CYP3A4: variants seen among roughly 807,000 people sequenced by gnomAD.
The protein encoded by CYP3A4 is cytochrome P450 3A4.
A neutral mutation model predicts 54.9 loss-of-function variants in CYP3A4; 41 were observed. The ratio of observed to expected loss-of-function variants is 0.75; its 90% CI spans 0.58 to 0.97. CYP3A4 has a LOEUF of 0.97. Among genes scored for constraint, CYP3A4 ranks in the 50% least tolerant of loss-of-function variants. The pLI is 0.00. For synonymous variants in CYP3A4, 179 were observed against 205.2 expected (o/e 0.87, Z 1.09); for missense variants, 510 against 597.3 (o/e 0.85, Z 1.52).
intron 6 of CYP3A4, among the ~76,000 whole-genome samples, chr7:99,768,903 T>C (rs1353274537): frequency 6.6e-6 from 1 of 152,198 alleles, no homozygotes. Flanking sequence ...ATTGCCTGAC[T>C]GCAGACTCTA....
chr7:99,778,159 C>T lies in CYP3A4; in HGVS notation c.166-79G>A, dbSNP rs181447725. 7.7e-5 allele frequency: 90 copies of T among 1,169,544 alleles called. No individual in the cohort carries two copies. In the African/African-American group the frequency reaches 1.2e-3, roughly 16 times the overall value. The allele number at this position is 1,169,544 out of a possible 1,614,324, so 72.4% of individuals were successfully genotyped here. A position where few individuals can be genotyped will look rare whatever the true frequency, so the allele number is the denominator to read the frequency against. Reference sequence around the variant, plus strand: ...TGCCTCTAATTGGGATGAAAACAGTCGAAGCCAATGAAATCAGACTTGCTG... The same window carrying T: ...TGCCTCTAATTGGGATGAAAACAGTTGAAGCCAATGAAATCAGACTTGCTG... On this transcript the variant is annotated intron_variant, in intron 2 of 12. Transcript: ENST00000651514.
At chr7:99,762,324 A>G (rs752506320) in intron 10 of CYP3A4, 57 bp from the exon 11 acceptor site, 112 of 1,572,852 alleles carry the variant, frequency 7.1e-5, no homozygotes, top group Non-Finnish European at 9.6e-5. Flanking sequence ...CTTTTAACTC[A>G]GTCCATGCAG....
intron 3 of CYP3A4, among the ~76,000 whole-genome samples, chr7:99,777,391 C>T (rs150881804): frequency 3.4e-4 from 52 of 152,216 alleles, no homozygotes; most frequent in African/African-American, 1.2e-3. Flanking sequence ...CACCTGGTGA[C>T]ACATGGGATC....
intron 2 of CYP3A4, 151 bp from the exon 3 acceptor site, chr7:99,778,231 A>G: frequency 3.2e-6 from 2 of 622,208 alleles, no homozygotes; most frequent in Non-Finnish European, 5.6e-6. Context: ...GAAATAAGAG[A>G]AAACAGAGGA....
intron 1 of CYP3A4, 118 bp downstream of exon 1, chr7:99,783,893 G>A: frequency 8.3e-7 from 1 of 1,206,530 alleles, no homozygotes. Flanking sequence ...ACAGGTGTAA[G>A]CCACCACGCC....
At chr7:99,764,194 C>G (rs1215091787) in intron 9 of CYP3A4, among the ~76,000 whole-genome samples, 179 bp from the exon 10 acceptor site, 1 of 152,046 alleles carries the variant, frequency 6.6e-6, no homozygotes. Context: ...CAGAATAAGG[C>G]AAATCATTTT....
chr7:99,764,534 G>T (rs993220494), intron 9 of CYP3A4, among the ~76,000 whole-genome samples: 3 of 152,148 alleles, frequency 2.0e-5, no homozygotes, highest in African/African-American at 7.2e-5. Flanking sequence ...GACCAATATT[G>T]GTCTACAGAC....
rs2151559026 is a variant in CYP3A4 at position 99,768,592 on chromosome 7, A to AAGAC, written c.522-94_522-91dup. The stretch of plus-strand genomic sequence containing the variant: ...CAACAGGAAACCCACATGTCCAGTC[A>AAGAC]AGACAGACAAACAGCCACAGACTTT... On this transcript the variant is annotated intron_variant, in intron 6 of 12. Transcript: ENST00000651514. The AAGAC allele has an allele frequency of 1.9e-6, 3 of 1,608,144 alleles. No individual in the cohort carries two copies. The East Asian group carries it at 6.7e-5, about 36-fold the overall frequency.
intron 9 of CYP3A4, 86 bp from the exon 10 acceptor site, chr7:99,764,101 T>C (rs1815418717): frequency 1.3e-6 from 2 of 1,588,336 alleles, no homozygotes; most frequent in Non-Finnish European, 1.7e-6. Context: ...AGTGAAGCCC[T>C]CAAATCCCTA....
intron 12 of CYP3A4, among the ~76,000 whole-genome samples, chr7:99,759,049 T>C (rs562438914): frequency 6.6e-6 from 1 of 152,312 alleles, no homozygotes; most frequent in African/African-American, 2.4e-5. Context: ...AAGGAGTACC[T>C]TCCCCATCCC....
intron 3 of CYP3A4, among the ~76,000 whole-genome samples, chr7:99,775,257 C>T (rs1815733747): frequency 6.6e-6 from 1 of 152,064 alleles, no homozygotes; most frequent in Non-Finnish European, 1.5e-5. Flanking sequence ...ATGAAAATGG[C>T]CATACTGCCC....
chr7:99,762,538 C>A (rs2740580), intron 10 of CYP3A4, among the ~76,000 whole-genome samples: 48 of 151,984 alleles, frequency 3.2e-4, no homozygotes, highest in Admixed American at 8.5e-4. Flanking sequence ...GTATATATGT[C>A]TATATATATA....
At chr7:99,763,797 G>A in intron 10 of CYP3A4, 58 bp downstream of exon 10, 2 of 1,601,324 alleles carry the variant, frequency 1.2e-6, no homozygotes, top group Admixed American at 1.7e-5. Context: ...AAGTGGTGAG[G>A]AGGCATTTTT....
intron 1 of CYP3A4, 87 bp from the exon 2 acceptor site, chr7:99,780,172 G>C (rs752020625): frequency 2.2e-6 from 3 of 1,334,132 alleles, no homozygotes; most frequent in African/African-American, 2.9e-5. Context: ...GAACTGGAAT[G>C]CTCAAGAGAA....
At chr7:99,772,459 C>A in intron 4 of CYP3A4, 131 bp downstream of exon 4, 3 of 1,067,274 alleles carry the variant, frequency 2.8e-6, no homozygotes, top group East Asian at 2.6e-5. Context: ...TGTTACCATT[C>A]GGGGGGGACA....
chr7:99,764,255 C>T (rs1815421311), intron 9 of CYP3A4, among the ~76,000 whole-genome samples: 1 of 152,150 alleles, frequency 6.6e-6, no homozygotes, highest in Non-Finnish European at 1.5e-5. Flanking sequence ...CACTCCTCCT[C>T]ATGCCACCCC....
chr7:99,765,064 T>C (rs1332159775), intron 9 of CYP3A4, among the ~76,000 whole-genome samples: 1 of 152,208 alleles, frequency 6.6e-6, no homozygotes, highest in Non-Finnish European at 1.5e-5. Context: ...GATTTACCAG[T>C]GAAGACTTCT....
At chr7:99,776,971 TAAA>T (rs1815786565) in intron 3 of CYP3A4, among the ~76,000 whole-genome samples, 1 of 152,174 alleles carries the variant, frequency 6.6e-6, no homozygotes, top group Admixed American at 6.5e-5. Context: ...ACCCTTCTAT[TAAA>T]AAGTCTTGGC....
Position 99,784,171 on chromosome 7 carries a change from C to A in CYP3A4, c.-90G>T. 3 of 1,228,948 alleles carry A rather than the reference C, an allele frequency of 2.4e-6. No individual in the cohort carries two copies. The highest frequency in any genetic ancestry group is 3.5e-5 in the Admixed American group (2 of 57,040). The allele number at this position is 1,228,948 out of a possible 1,614,324, so 76.1% of individuals were successfully genotyped here. Reference sequence around the variant, plus strand: ...GGGCTATGTGCATGGAGCTTTCCTGCCCTGCACAGCAGTGATTCAGTGAGG... The same window carrying A: ...GGGCTATGTGCATGGAGCTTTCCTGACCTGCACAGCAGTGATTCAGTGAGG... On this transcript the variant is annotated 5_prime_UTR_variant, in exon 1 of 13. Transcript: ENST00000651514.
Sources: allele counts gnomAD v4.1 joint callset (sites outside exome capture counted in the v4.1 genomes callset), GRCh38; gene constraint gnomAD v4.1.1; transcripts MANE v1.5; gene names NCBI Gene and HGNC (gene_info 2026-07-23, HGNC 2026-07-21).